SLC24A4: variants seen among roughly 807,000 people sequenced by gnomAD.
SLC24A4 encodes sodium/potassium/calcium exchanger 4.
SLC24A4 carries 53 observed loss-of-function variants against 79.0 expected under a neutral mutation model. The ratio of observed to expected loss-of-function variants is 0.67; its 90% CI spans 0.54 to 0.84. The LOEUF (loss-of-function observed/expected upper bound fraction) is 0.84, where lower values mean the gene tolerates loss of function less well. Ranked by LOEUF, SLC24A4 falls within the 40% of genes least tolerant of loss-of-function variation. The pLI, the probability that SLC24A4 is intolerant of heterozygous loss-of-function variation, is 0.00. For missense variants in SLC24A4, 731 were observed against 822.0 expected (o/e 0.89, Z 1.35); for synonymous variants, 323 against 323.8 (o/e 1.00, Z 0.03).
intron 2 of SLC24A4, among the ~76,000 whole-genome samples, chr14:92,354,235 C>A (rs188322948): frequency 2.7e-3 from 403 of 151,770 alleles, no homozygotes; most frequent in African/African-American, 8.8e-3. Context: ...GGCGCGATCT[C>A]CGCCTCCCGG....
Position 92,491,645 on chromosome 14 carries a change from T to C in SLC24A4, c.1538-20T>C, listed in dbSNP as rs1205749015. 5.2e-6 allele frequency: 8 copies of C among 1,528,540 alleles called. No homozygotes were observed. The highest frequency in any genetic ancestry group is 7.3e-6 in the Non-Finnish European group (8 of 1,102,070). The allele number at this position is 1,528,540 out of a possible 1,614,324, so 94.7% of individuals were successfully genotyped here. ...TGGTGACCTGCTCTTATAAAATAAA[T>C]GTGTTGTTGTCCCCTGCAGGCCTTG... On this transcript the variant is annotated intron_variant, in intron 14 of 16. Coordinates refer to ENST00000532405, the MANE Select transcript of SLC24A4 (RefSeq NM_153646.4).
intron 3 of SLC24A4, among the ~76,000 whole-genome samples, chr14:92,438,725 G>C (rs997435460): frequency 1.3e-5 from 2 of 152,226 alleles, no homozygotes; most frequent in Non-Finnish European, 2.9e-5. Context: ...GAGCCTCCAT[G>C]TGTTCAGCTA....
chr14:92,323,028 T>TC (rs201309880), upstream of SLC24A4, among the ~76,000 whole-genome samples: 3,212 of 151,748 alleles, frequency 0.021, 103 homozygotes, highest in African/African-American at 0.072. This position sits in a 1 kb window ranked among gnomAD's most constrained non-coding sequence, Gnocchi z 4.9. Flanking sequence ...GAGGTCCAAC[T>TC]ACTGAAGAGA....
intron 2 of SLC24A4, among the ~76,000 whole-genome samples, chr14:92,415,985 C>T (rs1292341088): frequency 6.6e-6 from 1 of 152,126 alleles, no homozygotes; most frequent in African/African-American, 2.4e-5. Context: ...AGTTTAACTC[C>T]CACTTGTAAG....
chr14:92,331,520 C>T (rs953356815), intron 2 of SLC24A4, among the ~76,000 whole-genome samples: 14 of 152,166 alleles, frequency 9.2e-5, no homozygotes, highest in African/African-American at 3.1e-4. Context: ...TAAGCTCCAG[C>T]GCTCTGTCTG....
chr14:92,437,020 T>A (rs1251815432), intron 3 of SLC24A4, among the ~76,000 whole-genome samples: 1 of 152,242 alleles, frequency 6.6e-6, no homozygotes, highest in Non-Finnish European at 1.5e-5. Flanking sequence ...TTAATCCCAA[T>A]GAATGAATGG....
chr14:92,385,477 C>T (rs1889099500), intron 2 of SLC24A4, among the ~76,000 whole-genome samples: 2 of 148,176 alleles, frequency 1.3e-5, no homozygotes, highest in Admixed American at 1.3e-4. Flanking sequence ...AGCCTGGCGA[C>T]AGAGCGAGAC....
At chr14:92,466,338 A>T (rs1004076165) in intron 12 of SLC24A4, among the ~76,000 whole-genome samples, 1 of 152,232 alleles carries the variant, frequency 6.6e-6, no homozygotes, top group Admixed American at 6.5e-5. Flanking sequence ...TCAGTCTCAC[A>T]GTAGCACAGT....
intron 13 of SLC24A4, 51 bp downstream of exon 13, chr14:92,482,897 G>A: frequency 4.5e-6 from 7 of 1,557,524 alleles, no homozygotes; most frequent in Non-Finnish European, 6.1e-6. Flanking sequence ...GGGAGAGGTG[G>A]AGAGCTGGGT....
At chr14:92,434,926 G>A (rs1211685816) in intron 3 of SLC24A4, among the ~76,000 whole-genome samples, 1 of 152,040 alleles carries the variant, frequency 6.6e-6, no homozygotes, top group African/African-American at 2.4e-5. Flanking sequence ...GGCATGTGCT[G>A]CCACACCCAG....
chr14:92,443,337 G>C (rs1282883780), intron 6 of SLC24A4, 63 bp from the exon 7 acceptor site: 1 of 1,532,952 alleles, frequency 6.5e-7, no homozygotes, highest in Non-Finnish European at 9.0e-7. Context: ...AGGAGGCCTG[G>C]GCAGCTGCAC....
chr14:92,393,871 T>C (rs1406605348), intron 2 of SLC24A4, among the ~76,000 whole-genome samples: 1 of 151,776 alleles, frequency 6.6e-6, no homozygotes, highest in African/African-American at 2.4e-5. Context: ...ATTAGCCAGG[T>C]ATGGTGGCAG....
chr14:92,447,726 C>T (rs112101769), intron 9 of SLC24A4, among the ~76,000 whole-genome samples: 1,873 of 152,346 alleles, frequency 0.012, 39 homozygotes, highest in African/African-American at 0.042. Context: ...CTCTGGGCAG[C>T]TTCTCCATGC....
intron 12 of SLC24A4, among the ~76,000 whole-genome samples, chr14:92,464,839 G>A (rs1175265235): frequency 6.6e-6 from 1 of 152,204 alleles, no homozygotes; most frequent in South Asian, 2.1e-4. Flanking sequence ...TCTTAACAGT[G>A]TCTTCACATG....
At chr14:92,443,293 G>A (rs1892604508) in intron 6 of SLC24A4, 107 bp from the exon 7 acceptor site, 2 of 990,564 alleles carry the variant, frequency 2.0e-6, no homozygotes, top group East Asian at 4.9e-5. Flanking sequence ...GTTAGGAGGT[G>A]GAGCTCTGTG....
chr14:92,428,204 C>T (rs1891673487), intron 2 of SLC24A4, among the ~76,000 whole-genome samples: 1 of 152,174 alleles, frequency 6.6e-6, no homozygotes, highest in Non-Finnish European at 1.5e-5. Flanking sequence ...GCCAGGAGAG[C>T]CTCTTGACGC....
intron 2 of SLC24A4, among the ~76,000 whole-genome samples, chr14:92,343,586 T>TTCTTTCTTTCTC (rs1320852376): frequency 3.3e-5 from 3 of 91,974 alleles, no homozygotes; most frequent in African/African-American, 1.2e-4. Context: ...ACTGTTTTCT[T>TTCTTTCTTTCTC]TCTTTCTTTC....
intron 2 of SLC24A4, among the ~76,000 whole-genome samples, chr14:92,381,883 T>A (rs1449154874): frequency 6.6e-6 from 1 of 152,202 alleles, no homozygotes; most frequent in Non-Finnish European, 1.5e-5. Flanking sequence ...CCCATGTGAT[T>A]GTAAGGCGGA....
Position 92,498,081 on chromosome 14 carries a change from T to C in SLC24A4, c.*4453T>C, listed in dbSNP as rs1411273378. 1 of 152,224 alleles carries C rather than the reference T, an allele frequency of 6.6e-6. No individual in the cohort carries two copies. Among genetic ancestry groups the C allele is most frequent in the Non-Finnish European group, 1.5e-5 (1 of 68,076 alleles). The allele number at this position is 152,224 out of a possible 1,614,324, so 9.4% of individuals were successfully genotyped here. On this transcript the variant is annotated 3_prime_UTR_variant, in exon 17 of 17. Coordinates refer to ENST00000532405, the MANE Select transcript of SLC24A4 (RefSeq NM_153646.4). ...CCGTGCCCATAGAAACTTCTAGAAA[T>C]TTCTGAAAATGCTCTGTGGGCAGCT...
Sources: allele counts gnomAD v4.1 joint callset (sites outside exome capture counted in the v4.1 genomes callset), GRCh38; gene constraint gnomAD v4.1.1; non-coding constraint Gnocchi (gnomAD v3.1); transcripts MANE v1.5; gene names NCBI Gene and HGNC (gene_info 2026-07-23, HGNC 2026-07-21).